POLD3: variants seen among roughly 807,000 people sequenced by gnomAD.
POLD3 encodes the protein DNA polymerase delta 3, accessory subunit, also known as DNA polymerase delta subunit 3.
In POLD3, 19 loss-of-function variants were observed where a neutral mutation model predicts 58.2. The ratio of observed to expected loss-of-function variants is 0.33; its 90% CI spans 0.23 to 0.48. The LOEUF (loss-of-function observed/expected upper bound fraction) is 0.48, where lower values mean the gene tolerates loss of function less well. Ranked by LOEUF, POLD3 falls within the 20% of genes least tolerant of loss-of-function variation. POLD3 has a pLI of 0.99. For missense variants in POLD3, 504 were observed against 545.5 expected, an observed-to-expected ratio of 0.92 and a Z score of 0.76; for synonymous variants, 172 against 193.5, an observed-to-expected ratio of 0.89 and a Z score of 0.92.
At chr11:74,636,118 G>A in intron 10 of POLD3, 79 bp from the exon 11 acceptor site, 2 of 1,315,792 alleles carry the variant, frequency 1.5e-6, no homozygotes, top group South Asian at 2.6e-5. Context: ...AGAGTGATTA[G>A]TATAGATTTA....
chr11:74,620,265 T>C (rs1173828850), intron 7 of POLD3, among the ~76,000 whole-genome samples, 176 bp downstream of exon 7: 9 of 152,224 alleles, frequency 5.9e-5, no homozygotes, highest in Non-Finnish European at 1.3e-4. Flanking sequence ...GCTAGAACTT[T>C]ATGGGTGAGT....
At chr11:74,629,176 G>A (rs1482864108) in intron 8 of POLD3, 41 bp from the exon 9 acceptor site, 1 of 1,192,534 alleles carries the variant, frequency 8.4e-7, no homozygotes, top group African/African-American at 1.6e-5. Context: ...TTACATTTTT[G>A]TTCTGTGTAA....
rs773589184 is a variant in POLD3 at position 74,592,628 on chromosome 11, G to A, written c.-31G>A. On this transcript the variant is annotated 5_prime_UTR_variant, in exon 1 of 12. Transcript: ENST00000263681. Reference sequence around the variant, plus strand: ...GAGCTGTGGCTGTGATTGAGAGAGGGGTTAGAGGCGGGTCCCAGCGCTGCC... The same window carrying A: ...GAGCTGTGGCTGTGATTGAGAGAGGAGTTAGAGGCGGGTCCCAGCGCTGCC... The A allele has an allele frequency of 1.4e-5, 22 of 1,612,498 alleles. No individual in the cohort carries two copies. The highest frequency in any genetic ancestry group is 1.6e-5 in the Non-Finnish European group (19 of 1,179,334).
chr11:74,603,561 C>A (rs1021464583), intron 2 of POLD3, among the ~76,000 whole-genome samples: 1 of 152,098 alleles, frequency 6.6e-6, no homozygotes, highest in Non-Finnish European at 1.5e-5. Flanking sequence ...CAGACCCAGG[C>A]AGACAGGAAT....
chr11:74,629,398 G>T (rs990372603), intron 9 of POLD3, 75 bp downstream of exon 9: 1 of 772,038 alleles, frequency 1.3e-6, no homozygotes, highest in Non-Finnish European at 2.2e-6. Flanking sequence ...AAAAGTAATG[G>T]ATTAAGGATC....
intron 9 of POLD3, among the ~76,000 whole-genome samples, chr11:74,631,256 G>T (rs909592424): frequency 6.6e-6 from 1 of 152,140 alleles, no homozygotes; most frequent in Non-Finnish European, 1.5e-5. Flanking sequence ...GAAAATACAA[G>T]AACTTTGGAG....
rs183776947 is a variant in POLD3 at position 74,607,414 on chromosome 11, C to T, written c.219+2620C>T. ...AGTAGCTGGGACTACAGGCGCCCGC[C>T]ACCACGCCCGGCTAATTTTTTTTTT... On this transcript the variant is annotated intron_variant, in intron 3 of 11. Transcript: ENST00000263681. Among the ~76,000 whole-genome samples the T allele has an allele frequency of 9.2e-3, 1,378 of 150,388 alleles. 19 individuals carry two copies. Among genetic ancestry groups the T allele is most frequent in the African/African-American group, 0.032 (1,309 of 41,228 alleles).
At chr11:74,603,911 A>T (rs1280824095) in intron 2 of POLD3, among the ~76,000 whole-genome samples, 1 of 152,200 alleles carries the variant, frequency 6.6e-6, no homozygotes, top group Non-Finnish European at 1.5e-5. Context: ...CCAACTTCTG[A>T]TACTTGCTGG....
At chr11:74,636,325 A>G (rs1215077685) in intron 11 of POLD3, 50 bp downstream of exon 11, 3 of 1,581,056 alleles carry the variant, frequency 1.9e-6, no homozygotes, top group Non-Finnish European at 1.7e-6. Context: ...TCTTATTACC[A>G]CAGAGGCACC....
At chr11:74,626,738 T>C (rs932469881) in intron 8 of POLD3, among the ~76,000 whole-genome samples, 2 of 152,186 alleles carry the variant, frequency 1.3e-5, no homozygotes, top group Non-Finnish European at 2.9e-5. Context: ...GCTAACTTCA[T>C]AAGATTACTC....
At chr11:74,653,786 G>C (rs946876557) in intron 4 of POLD3, among the ~76,000 whole-genome samples, 2 of 152,090 alleles carry the variant, frequency 1.3e-5, no homozygotes, top group Non-Finnish European at 2.9e-5. Context: ...CAAATATGCT[G>C]TGTGCTAGTC....
intron 10 of POLD3, 77 bp from the exon 11 acceptor site, chr11:74,636,120 A>G: frequency 7.4e-7 from 1 of 1,345,944 alleles, no homozygotes; most frequent in South Asian, 1.3e-5. Context: ...AGTGATTAGT[A>G]TAGATTTAAA....
chr11:74,613,320 C>T (rs1272729079), intron 5 of POLD3, among the ~76,000 whole-genome samples: 1 of 151,912 alleles, frequency 6.6e-6, no homozygotes, highest in Non-Finnish European at 1.5e-5. Context: ...CCTACCCATC[C>T]TTCAAGAACC....
Position 74,607,971 on chromosome 11 carries a change from C to T in POLD3, c.219+3177C>T, listed in dbSNP as rs17133262. 9.6e-3 allele frequency among the ~76,000 whole-genome samples: 1,461 copies of T among 152,130 alleles called. 20 individuals carry two copies. Among genetic ancestry groups the T allele is most frequent in the African/African-American group, 0.032 (1,328 of 41,488 alleles). On this transcript the variant is annotated intron_variant, in intron 3 of 11. Coordinates refer to ENST00000263681, the MANE Select transcript of POLD3 (RefSeq NM_006591.3). ...AAAAAATGTTTAACAATATATAGAA[C>T]GTGAAAGCTTCCTTCAAATCTCATC...
At position 74,642,713 on chromosome 11, in the gene POLD3, G is replaced by A; in HGVS notation, c.*1947G>A. On this transcript the variant is annotated 3_prime_UTR_variant, in exon 12 of 12. Transcript: ENST00000263681. ...CACATGAGTTAAATAAATTTGAGAA[G>A]TTGTTTTAAAACAGTGCTTCAAACT... is the stretch of plus-strand genomic sequence containing the variant. The A allele has an allele frequency of 1.0e-6, 1 of 983,838 alleles. No individual in the cohort carries two copies. The allele number at this position is 983,838 out of a possible 1,614,324, so 60.9% of individuals were successfully genotyped here.
chr11:74,594,197 A>G, intron 2 of POLD3, 81 bp downstream of exon 2: 1 of 823,784 alleles, frequency 1.2e-6, no homozygotes. Context: ...CTCTACAGAT[A>G]GCCTACATAG....
chr11:74,642,979 C>T lies in POLD3; in HGVS notation c.*2213C>T. On this transcript the variant is annotated 3_prime_UTR_variant, in exon 12 of 12. Coordinates refer to ENST00000263681, the MANE Select transcript of POLD3 (RefSeq NM_006591.3). ...CTAGCACATTGTATTAGTTTGGCTTCATCACTTGCTAGCTGTATGACTGTG... is the reference window on the plus strand; with the variant it reads ...CTAGCACATTGTATTAGTTTGGCTTTATCACTTGCTAGCTGTATGACTGTG... The T allele has an allele frequency of 1.0e-6, 1 of 971,568 alleles. No individual in the cohort carries two copies. Among genetic ancestry groups the T allele is most frequent in the Non-Finnish European group, 1.2e-6 (1 of 817,362 alleles). 60.2% of individuals were successfully genotyped at this position (971,568 alleles called of 1,614,324 possible).
chr11:74,645,484 C>T (rs1169017689), downstream of POLD3, among the ~76,000 whole-genome samples: 1 of 152,198 alleles, frequency 6.6e-6, no homozygotes, highest in Non-Finnish European at 1.5e-5. Context: ...AGGCAGGATG[C>T]CGGGATGGAA....
At chr11:74,616,408 C>T (rs1222585801) in intron 5 of POLD3, among the ~76,000 whole-genome samples, 1 of 152,242 alleles carries the variant, frequency 6.6e-6, no homozygotes, top group Non-Finnish European at 1.5e-5. Context: ...GCAGAGATCT[C>T]TTGTCATCAG....
Sources: gnomAD v4.1 joint callset for allele counts (sites outside exome capture counted in the v4.1 genomes callset) on GRCh38, gnomAD v4.1.1 for gene constraint, MANE v1.5 for transcripts, NCBI Gene and HGNC (gene_info 2026-07-23, HGNC 2026-07-21) for gene names.